The following MACROD1 variants were observed in gnomAD, a reference collection of about 807,000 sequenced individuals.
MACROD1 encodes mono-ADP ribosylhydrolase 1.
A neutral mutation model predicts 41.4 loss-of-function variants in MACROD1; 31 were observed. The observed-to-expected ratio is 0.75, with a 90% confidence interval of 0.56 to 1.01. The LOEUF is 1.01. Ranked by LOEUF, MACROD1 falls within the 50% of genes least tolerant of loss-of-function variation. The pLI is 0.00. For missense variants in MACROD1, 473 were observed against 460.0 expected (o/e 1.03, Z -0.26); for synonymous variants, 252 against 203.4 (o/e 1.24, Z -2.03).
chr11:64,147,221 C>T (rs1378292264), intron 3 of MACROD1, among the ~76,000 whole-genome samples: 2 of 151,540 alleles, frequency 1.3e-5, no homozygotes, highest in African/African-American at 4.8e-5. Context: ...TGCACCACCA[C>T]ACCCTACTAA....
intron 3 of MACROD1, among the ~76,000 whole-genome samples, chr11:64,095,625 C>T (rs896961655): frequency 6.6e-6 from 1 of 152,204 alleles, no homozygotes; most frequent in African/African-American, 2.4e-5. Context: ...CGGCTTCCCC[C>T]AGCTGCACCT....
intron 4 of MACROD1, among the ~76,000 whole-genome samples, chr11:64,000,846 C>T (rs1565189477): frequency 1.3e-5 from 2 of 152,128 alleles, no homozygotes; most frequent in Non-Finnish European, 2.9e-5. Flanking sequence ...CACGGGGCGG[C>T]GGCAAACCCT....
chr11:64,142,907 G>A (rs113499463), intron 3 of MACROD1, among the ~76,000 whole-genome samples: 169 of 152,124 alleles, frequency 1.1e-3, no homozygotes, highest in African/African-American at 3.7e-3. Context: ...CTTGAGCCTG[G>A]GAGTTCAAAA....
At chr11:64,108,801 C>G (rs1944809394) in intron 3 of MACROD1, among the ~76,000 whole-genome samples, 1 of 152,180 alleles carries the variant, frequency 6.6e-6, no homozygotes, top group African/African-American at 2.4e-5. Context: ...GGGAAAGACA[C>G]CTGCAAGGGA....
chr11:64,022,723 T>C (rs1027443882), intron 3 of MACROD1, among the ~76,000 whole-genome samples: 4 of 152,130 alleles, frequency 2.6e-5, no homozygotes, highest in African/African-American at 9.7e-5. Flanking sequence ...GTCACTGTCC[T>C]CCGTGGTAGG....
chr11:64,030,248 G>C (rs139299806), intron 3 of MACROD1, among the ~76,000 whole-genome samples: 22 of 151,434 alleles, frequency 1.5e-4, no homozygotes, highest in African/African-American at 5.1e-4. Flanking sequence ...CAGAACCCCA[G>C]GAGCCATCAT....
intron 4 of MACROD1, chr11:64,001,132 G>A (rs922307682): frequency 7.4e-6 from 3 of 407,966 alleles, no homozygotes; most frequent in Non-Finnish European, 1.3e-5. Flanking sequence ...GGGCGCAGCG[G>A]GAGGCATGGA....
chr11:64,065,665 C>G (rs1943990227), intron 3 of MACROD1, among the ~76,000 whole-genome samples: 1 of 152,016 alleles, frequency 6.6e-6, no homozygotes, highest in Non-Finnish European at 1.5e-5. Flanking sequence ...TGGCGGCCGC[C>G]TGTAGTCCCA....
intron 5 of MACROD1, 100 bp from the exon 6 acceptor site, chr11:63,999,863 T>G (rs372856534): frequency 1.8e-5 from 24 of 1,332,386 alleles, no homozygotes; most frequent in East Asian, 7.3e-5. Context: ...GGAAACACCT[T>G]TCCCCCCAAG....
rs2134520426 is a variant in MACROD1, at chr11:64,090,431, G to T, written c.517+60808C>A. Among the ~76,000 whole-genome samples the T allele has an allele frequency of 6.6e-6, 1 of 152,308 alleles. No individual in the cohort carries two copies. The highest frequency in any genetic ancestry group is 2.1e-4 in the South Asian group (1 of 4,832). ...TTTCCTCAACTCACCTCCAGCCCGG[G>T]CAGCAGTGGGTCGATAATAATTTAC... On this transcript the variant is annotated intron_variant, in intron 3 of 10. Transcript: ENST00000255681. The surrounding 1 kb of genome is among the most constrained non-coding windows in gnomAD (Gnocchi z 4.7).
chr11:64,154,824 A>G (rs1945642379), intron 1 of MACROD1, among the ~76,000 whole-genome samples: 1 of 152,092 alleles, frequency 6.6e-6, no homozygotes. Flanking sequence ...GATTCAAGCA[A>G]TTCTCCTGCC....
chr11:64,001,107 G>A (rs1313113595), intron 4 of MACROD1: 2 of 348,390 alleles, frequency 5.7e-6, no homozygotes, highest in South Asian at 4.4e-5. Context: ...GGACCCGGGC[G>A]CAGATAAACA....
chr11:64,161,290 C>T (rs917815897), intron 1 of MACROD1, among the ~76,000 whole-genome samples: 24 of 152,244 alleles, frequency 1.6e-4, no homozygotes, highest in Admixed American at 7.2e-4. Context: ...ATAACAAGGA[C>T]GAACTGGCCG....
chr11:64,021,966 G>A (rs1251942323), intron 3 of MACROD1, among the ~76,000 whole-genome samples: 1 of 103,196 alleles, frequency 9.7e-6, no homozygotes, highest in African/African-American at 3.7e-5. Flanking sequence ...AGGTGGCGGC[G>A]GGCAGTGGAT....
At chr11:64,086,796 C>T (rs1462912214) in intron 3 of MACROD1, 1 of 152,256 alleles carries the variant, frequency 6.6e-6, no homozygotes. Context: ...GACGTGAGCC[C>T]TCATCCGCTC....
At chr11:64,041,199 TAAAAAAAAAAAAAAAAAAAA>T (rs71045724) in intron 3 of MACROD1, among the ~76,000 whole-genome samples, 2 of 21,600 alleles carry the variant, frequency 9.3e-5, no homozygotes, top group Non-Finnish European at 8.6e-5. Flanking sequence ...TAGCAAACTG[TAAAAAAAAAAAAAAAAAAAA>T]AAAAAAAAAA....
rs1944468299 is a variant in MACROD1, at chr11:64,090,416, T to C, written c.517+60823A>G. On this transcript the variant is annotated intron_variant, in intron 3 of 10. Coordinates refer to ENST00000255681, the MANE Select transcript of MACROD1 (RefSeq NM_014067.4). The surrounding 1 kb of genome is among the most constrained non-coding windows in gnomAD (Gnocchi z 4.7). ...GAGCCTGGTGCTTTATTTCCTCAAC[T>C]CACCTCCAGCCCGGGCAGCAGTGGG... is the stretch of plus-strand genomic sequence containing the variant. Among the ~76,000 whole-genome samples, 2 of 152,110 alleles carry C rather than the reference T, an allele frequency of 1.3e-5. No homozygotes were observed. The highest frequency in any genetic ancestry group is 6.5e-5 in the Admixed American group (1 of 15,280).
intron 3 of MACROD1, among the ~76,000 whole-genome samples, chr11:64,145,778 T>C (rs932716894): frequency 6.6e-6 from 1 of 151,006 alleles, no homozygotes; most frequent in Non-Finnish European, 1.5e-5. Flanking sequence ...TTTCTTTTTT[T>C]TTGAGATGGA....
At chr11:64,063,401 G>C (rs974762795) in intron 3 of MACROD1, among the ~76,000 whole-genome samples, 1 of 152,152 alleles carries the variant, frequency 6.6e-6, no homozygotes, top group African/African-American at 2.4e-5. Context: ...AGATGTCAGG[G>C]AAGCCCAAGG....
Sources: allele counts gnomAD v4.1 joint callset (sites outside exome capture counted in the v4.1 genomes callset), GRCh38; gene constraint gnomAD v4.1.1; non-coding constraint Gnocchi (gnomAD v3.1); transcripts MANE v1.5; gene names NCBI Gene and HGNC (gene_info 2026-07-23, HGNC 2026-07-21).